Variants in BSDC1 observed in about 807,000 individuals in gnomAD.
BSDC1 encodes the protein BSD domain containing 1.
BSDC1 carries 29 observed loss-of-function variants against 56.0 expected under a neutral mutation model. The ratio of observed to expected loss-of-function variants is 0.52; its 90% CI spans 0.39 to 0.71. BSDC1 has a LOEUF of 0.71. BSDC1 is among the 30% of genes least tolerant of loss of function. The probability of loss-of-function intolerance (pLI) is 0.00; values close to 1 mark genes in which losing one functional copy is unlikely to be tolerated. For synonymous variants in BSDC1, 210 were observed against 215.3 expected (o/e 0.98, Z 0.21); for missense variants, 477 against 548.5 (o/e 0.87, Z 1.30).
chr1:32,389,874 G>A (rs1328377184), intron 2 of BSDC1, among the ~76,000 whole-genome samples: 2 of 151,726 alleles, frequency 1.3e-5, no homozygotes, highest in Admixed American at 6.6e-5. Flanking sequence ...CCAGGAGGCT[G>A]AGGTGGGAGA....
In BSDC1 at chr1:32,378,709, A is replaced by C; in HGVS notation, c.528+15T>G. 1 of 1,449,330 alleles carries C rather than the reference A, an allele frequency of 6.9e-7. No individual in the cohort carries two copies. Among genetic ancestry groups the C allele is most frequent in the East Asian group, 2.6e-5 (1 of 39,182 alleles). 89.8% of individuals were successfully genotyped at this position (1,449,330 alleles called of 1,614,324 possible). On this transcript the variant is annotated intron_variant, in intron 6 of 10. Transcript: ENST00000455895. This position sits in a 1 kb window ranked among gnomAD's most constrained non-coding sequence, Gnocchi z 5.2. ...AGCCTGGAGCTGGCTGAGGCCCTGC[A>C]GGCTGGGCCCTCACCATCTTGGTGT...
intron 9 of BSDC1, 121 bp from the exon 10 acceptor site, chr1:32,368,671 T>C: frequency 7.1e-7 from 1 of 1,402,586 alleles, no homozygotes; most frequent in Non-Finnish European, 9.6e-7. Context: ...GTCTTTACAT[T>C]TTGTGTTCAC....
rs766366862 is a variant in BSDC1, at chr1:32,378,228, T to C, written c.584A>G (p.His195Arg). The change falls in exon 7 of 11, where the codon CAT (histidine) becomes CGT (arginine). Residue 195 changes from histidine to arginine, a missense_variant. Physicochemically the swap from His to Arg is conservative, Grantham distance 29 (BLOSUM62 0). Coordinates refer to ENST00000455895, the MANE Select transcript of BSDC1 (RefSeq NM_018045.8). The surrounding 1 kb of genome is among the most constrained non-coding windows in gnomAD (Gnocchi z 5.2). The stretch of plus-strand genomic sequence containing the variant: ...AGACCAGCATACCTGCTCTAACTGA[T>C]GGACTTTATAGAAATACCGATGCCA... ...EFWHRYFYKV[H>R]QLEQEQARRD... is the part of the protein sequence containing the mutation. 5.6e-6 allele frequency: 9 copies of C among 1,614,106 alleles called. No homozygotes were observed. In the South Asian group the frequency reaches 8.8e-5, roughly 16 times the overall value.
intron 2 of BSDC1, among the ~76,000 whole-genome samples, chr1:32,390,873 T>G (rs761954266): frequency 6.6e-6 from 1 of 152,116 alleles, no homozygotes; most frequent in Admixed American, 6.5e-5. Context: ...TTTGCATCAC[T>G]GCACTTCAGC....
Position 32,376,283 on chromosome 1 carries a change from G to A in BSDC1, c.1135C>T (p.Pro379Ser). The A allele has an allele frequency of 6.4e-7, 1 of 1,556,314 alleles. No homozygotes were observed. Among genetic ancestry groups the A allele is most frequent in the Non-Finnish European group, 8.7e-7 (1 of 1,143,842 alleles). ...ELNSDSGKSTPSNNGKKGSST... is the reference protein window; with the variant it reads ...ELNSDSGKSTSSNNGKKGSST... ...CTACCTTTCTTTCCATTGTTGGAGG[G>A]TGTAGACTTCCCACTATCCGAGTTC... The change falls in exon 9 of 11, where the codon CCC (proline) becomes TCC (serine). Residue 379 changes from proline to serine, a missense_variant. Coordinates refer to ENST00000455895, the MANE Select transcript of BSDC1 (RefSeq NM_018045.8).
Position 32,378,227 on chromosome 1 carries a change from A to G in BSDC1, c.585T>C (p.His195=), listed in dbSNP as rs150963407. 150 of 1,614,184 alleles carry G rather than the reference A, an allele frequency of 9.3e-5. No individual in the cohort carries two copies. Among genetic ancestry groups the G allele is most frequent in the Non-Finnish European group, 1.2e-4 (139 of 1,180,012 alleles). Residue 195 remains histidine, a synonymous_variant, in exon 7 of 11, where the codon CAT becomes CAC. Coordinates refer to ENST00000455895, the MANE Select transcript of BSDC1 (RefSeq NM_018045.8). This position sits in a 1 kb window ranked among gnomAD's most constrained non-coding sequence, Gnocchi z 5.2. The stretch of plus-strand genomic sequence containing the variant: ...TAGACCAGCATACCTGCTCTAACTG[A>G]TGGACTTTATAGAAATACCGATGCC... ...EFWHRYFYKV[H]QLEQEQARRD...
Position 32,376,699 on chromosome 1 carries a change from T to G in BSDC1, c.719A>C (p.Lys240Thr), listed in dbSNP as rs1230145027. The G allele has an allele frequency of 7.0e-7, 1 of 1,426,656 alleles. No individual in the cohort carries two copies. The highest frequency in any genetic ancestry group is 2.4e-5 in the East Asian group (1 of 42,340). The allele number at this position is 1,426,656 out of a possible 1,614,324, so 88.4% of individuals were successfully genotyped here. The change falls in exon 9 of 11, where the codon AAG (lysine) becomes ACG (threonine). Residue 240 changes from lysine (K) to threonine (T), a missense_variant. Transcript: ENST00000455895. ...GISPISPKEA[K>T]VPVAKISTFP... ...TGTAGAAATTTTGGCCACAGGAACC[T>G]TTGCCTCTTTTGGAGATATGGGTGA...
At chr1:32,393,509 G>T (rs1387845078) in intron 2 of BSDC1, 1 of 153,212 alleles carries the variant, frequency 6.5e-6, no homozygotes, top group African/African-American at 2.4e-5. Flanking sequence ...TGACTAACCA[G>T]AACAGACAAG....
At chr1:32,394,182 C>A (rs746705841) in intron 1 of BSDC1, 42 bp from the exon 2 acceptor site, 55 of 1,592,852 alleles carry the variant, frequency 3.5e-5, no homozygotes, top group Non-Finnish European at 4.6e-5. Flanking sequence ...CGGTGCGATT[C>A]CTGCCCGCCC....
In BSDC1 at chr1:32,376,730, C is replaced by T; in HGVS notation, c.688G>A (p.Gly230Ser). 1 of 1,414,582 alleles carries T rather than the reference C, an allele frequency of 7.1e-7. No homozygotes were observed. The highest frequency in any genetic ancestry group is 2.0e-5 in the South Asian group (1 of 51,178). The allele number at this position is 1,414,582 out of a possible 1,614,324, so 87.6% of individuals were successfully genotyped here. A position where few individuals can be genotyped will look rare whatever the true frequency, so the allele number is the denominator to read the frequency against. Residue 230 changes from glycine (G) to serine (S), a missense_variant, in exon 9 of 11, where the codon GGC becomes AGC. Transcript: ENST00000455895. ...GWEEEEEELM[G>S]ISPISPKEAK... Reference sequence around the variant, plus strand: ...TCTTTTGGAGATATGGGTGAAATGCCCATGAGCTCCTCTGTAGAGAGAGAA... The same window carrying T: ...TCTTTTGGAGATATGGGTGAAATGCTCATGAGCTCCTCTGTAGAGAGAGAA...
In BSDC1 at chr1:32,366,126, C is replaced by T; in HGVS notation, c.*496G>A. The T allele has an allele frequency of 5.6e-6, 1 of 177,492 alleles. No homozygotes were observed. Among genetic ancestry groups the T allele is most frequent in the Non-Finnish European group, 1.2e-5 (1 of 82,876 alleles). The allele number at this position is 177,492 out of a possible 1,614,324, so 11.0% of individuals were successfully genotyped here. ...TTTCCCAGAGATAAGTGCCTCTTAC[C>T]CACTGGGATAGGAACCAAAATGTGT... On this transcript the variant is annotated 3_prime_UTR_variant, in exon 11 of 11. Transcript: ENST00000455895.
At chr1:32,382,208 CAG>C (rs10565822) in intron 4 of BSDC1, among the ~76,000 whole-genome samples, 2,538 of 137,192 alleles carry the variant, frequency 0.018, 72 homozygotes, top group African/African-American at 0.065. Context: ...GTCTGGGCGA[CAG>C]AGAGAGACTC....
In BSDC1 at chr1:32,378,690, G is replaced by T; in HGVS notation, c.528+34C>A. 1.5e-6 allele frequency: 2 copies of T among 1,374,438 alleles called. No individual in the cohort carries two copies. The highest frequency in any genetic ancestry group is 9.7e-7 in the Non-Finnish European group (1 of 1,033,138). 85.1% of individuals were successfully genotyped at this position (1,374,438 alleles called of 1,614,324 possible). A position where few individuals can be genotyped will look rare whatever the true frequency, so the allele number is the denominator to read the frequency against. On this transcript the variant is annotated intron_variant, in intron 6 of 10. Coordinates refer to ENST00000455895, the MANE Select transcript of BSDC1 (RefSeq NM_018045.8). This position sits in a 1 kb window ranked among gnomAD's most constrained non-coding sequence, Gnocchi z 5.2. ...CCCACCTCCCAACACCTCAAGCCTG[G>T]AGCTGGCTGAGGCCCTGCAGGCTGG...
At chr1:32,384,487 T>G (rs1038947204) in intron 3 of BSDC1, among the ~76,000 whole-genome samples, 2 of 152,230 alleles carry the variant, frequency 1.3e-5, no homozygotes, top group African/African-American at 4.8e-5. Flanking sequence ...AGGGTTACCA[T>G]GAAGATTAAA....
At chr1:32,368,108 G>A (rs906138453) in intron 10 of BSDC1, 32 of 1,357,898 alleles carry the variant, frequency 2.4e-5, no homozygotes, top group Non-Finnish European at 2.9e-5. Flanking sequence ...CTCGCCTCAA[G>A]CAATCCTCCC....
At chr1:32,387,505 C>T (rs1207074160) in intron 2 of BSDC1, among the ~76,000 whole-genome samples, 4 of 152,098 alleles carry the variant, frequency 2.6e-5, no homozygotes. Context: ...CCACGCCCAG[C>T]TAATTTTGTA....
chr1:32,370,639 T>C (rs1333342712), intron 9 of BSDC1, among the ~76,000 whole-genome samples: 1 of 151,406 alleles, frequency 6.6e-6, no homozygotes, highest in African/African-American at 2.4e-5. Flanking sequence ...CCATCTCTAC[T>C]AAAAATACAA....
chr1:32,377,947 C>G, intron 8 of BSDC1, 23 bp downstream of exon 8: 1 of 1,601,538 alleles, frequency 6.2e-7, no homozygotes, highest in Non-Finnish European at 8.5e-7. Context: ...GACACTTGCC[C>G]CTCACCTCTC....
At chr1:32,384,534 G>T (rs1374285320) in intron 3 of BSDC1, among the ~76,000 whole-genome samples, 1 of 152,014 alleles carries the variant, frequency 6.6e-6, no homozygotes, top group South Asian at 2.1e-4. Context: ...CACAGCATAC[G>T]CTTAATAAAC....
Sources: allele counts gnomAD v4.1 joint callset (sites outside exome capture counted in the v4.1 genomes callset), GRCh38; gene constraint gnomAD v4.1.1; non-coding constraint Gnocchi (gnomAD v3.1); transcripts MANE v1.5; gene names NCBI Gene and HGNC (gene_info 2026-07-23, HGNC 2026-07-21).